Variants in SH3BP2 observed in about 807,000 individuals in gnomAD.
SH3BP2 encodes SH3 domain binding protein 2.
In SH3BP2, 38 loss-of-function variants were observed where a neutral mutation model predicts 56.2. The observed-to-expected ratio is 0.68, with a 90% CI of 0.52 to 0.89. SH3BP2 has a LOEUF of 0.89. Among genes scored for constraint, SH3BP2 ranks in the 40% least tolerant of loss-of-function variants. The pLI is 0.00. For synonymous variants in SH3BP2, 346 were observed against 316.7 expected (o/e 1.09, Z -0.98); for missense variants, 748 against 762.6 (o/e 0.98, Z 0.23).
At chr4:2,823,183 G>A (rs1038732312) in intron 3 of SH3BP2, 146 bp downstream of exon 3, 309 of 690,650 alleles carry the variant, frequency 4.5e-4, no homozygotes, top group Non-Finnish European at 6.0e-4. Context: ...TGTCCTCCCC[G>A]CCCAGCCTCC....
chr4:2,824,986 C>A, intron 4 of SH3BP2, 140 bp from the exon 5 acceptor site: 1 of 812,190 alleles, frequency 1.2e-6, no homozygotes, highest in Non-Finnish European at 2.1e-6. Flanking sequence ...AGGGGAGCCA[C>A]ACAGCCATGT....
chr4:2,826,764 T>C (rs2108734417), intron 5 of SH3BP2: 1 of 377,344 alleles, frequency 2.7e-6, no homozygotes, highest in Non-Finnish European at 5.3e-6. Context: ...TGTTTGTGTG[T>C]GCGTGTCCGT....
chr4:2,812,610 C>T, intron 1 of SH3BP2: 1 of 1,196,856 alleles, frequency 8.4e-7, no homozygotes, highest in Non-Finnish European at 1.2e-6. Flanking sequence ...AGGAGGTGGC[C>T]CTGAGCCTGC....
chr4:2,833,693 A>G lies in SH3BP2; in HGVS notation c.1549-4A>G. The G allele has an allele frequency of 6.2e-7, 1 of 1,609,452 alleles. No individual in the cohort carries two copies. ...CTGACGCTCCCCCTTCTCTTCCCCCACAGGACTCTAAGTTCTACCTGGAGG... is the reference window on the plus strand; with the variant it reads ...CTGACGCTCCCCCTTCTCTTCCCCCGCAGGACTCTAAGTTCTACCTGGAGG... On this transcript the variant is annotated splice_polypyrimidine_tract_variant and splice_region_variant and intron_variant, in intron 12 of 12. Transcript: ENST00000503393.
chr4:2,833,224 C>T, intron 12 of SH3BP2, 175 bp downstream of exon 12: 2 of 679,752 alleles, frequency 2.9e-6, no homozygotes, highest in Non-Finnish European at 5.3e-6. Context: ...CTCAGCCTCC[C>T]TCCTCTCGTG....
chr4:2,827,112 T>C (rs1268758402), intron 5 of SH3BP2, 118 bp from the exon 6 acceptor site: 1 of 774,364 alleles, frequency 1.3e-6, no homozygotes. Flanking sequence ...TGTATCCGTG[T>C]GTGCATCTGT....
At chr4:2,799,136 G>A in intron 1 of SH3BP2, 1 of 985,782 alleles carries the variant, frequency 1.0e-6, no homozygotes, top group Non-Finnish European at 1.2e-6. Context: ...CGTTCCTGCT[G>A]TACCCCTGCT....
chr4:2,818,052 ACCT>A (rs1724080243), intron 1 of SH3BP2: 1 of 219,222 alleles, frequency 4.6e-6, no homozygotes, highest in Non-Finnish European at 7.7e-6. Context: ...GCGCCCACCA[ACCT>A]CCTTGCAGCG....
rs1724846715 is a variant in SH3BP2, at chr4:2,829,340, G to A, written c.587-153G>A. On this transcript the variant is annotated intron_variant, in intron 7 of 12. Transcript: ENST00000503393. This position sits in a 1 kb window ranked among gnomAD's most constrained non-coding sequence, Gnocchi z 4.9. ...TCTGGGACCCTGGGGAAGGCAGGAT[G>A]GGAGTGCTGGGTGCTGGGCTGCTGG... Among the ~76,000 whole-genome samples, 1 of 152,130 alleles carries A rather than the reference G, an allele frequency of 6.6e-6. No individual in the cohort carries two copies. The highest frequency in any genetic ancestry group is 6.5e-5 in the Admixed American group (1 of 15,276).
At chr4:2,806,286 C>T (rs749233983) in intron 1 of SH3BP2, among the ~76,000 whole-genome samples, 10 of 152,180 alleles carry the variant, frequency 6.6e-5, no homozygotes, top group African/African-American at 2.2e-4. Context: ...AGGCTGGCTG[C>T]GGTGAGGGAC....
rs1327897166 is a variant in SH3BP2 at position 2,837,755 on chromosome 4, C to T, written c.*3921C>T. 1 of 152,472 alleles carries T rather than the reference C, an allele frequency of 6.6e-6. No homozygotes were observed. The highest frequency in any genetic ancestry group is 2.4e-5 in the African/African-American group (1 of 41,434). 9.4% of individuals were successfully genotyped at this position (152,472 alleles called of 1,614,324 possible). A position where few individuals can be genotyped will look rare whatever the true frequency, so the allele number is the denominator to read the frequency against. ...TGGGCACCTCGCACACACCCCCTGCCTTATCTCTGCCTGCACGCCCTGTTC... is the reference window on the plus strand; with the variant it reads ...TGGGCACCTCGCACACACCCCCTGCTTTATCTCTGCCTGCACGCCCTGTTC... On this transcript the variant is annotated 3_prime_UTR_variant, in exon 13 of 13. Coordinates refer to ENST00000503393, the MANE Select transcript of SH3BP2 (RefSeq NM_001122681.2).
Position 2,823,019 on chromosome 4 carries a change from C to T in SH3BP2, c.221C>T (p.Ser74Phe), listed in dbSNP as rs532591178. ...TCTGCCTCCCCGCAGGGCGCCTTCT[C>T]CCTGAGTGGCTATAACCGGTAAGTG... ...STSASPQGAF[S>F]LSGYNRVMRA... The change falls in exon 3 of 13, where the codon TCC becomes TTC. Residue 74 changes from serine (S) to phenylalanine (F), a missense_variant. Coordinates refer to ENST00000503393, the MANE Select transcript of SH3BP2 (RefSeq NM_001122681.2). 2.5e-6 allele frequency: 4 copies of T among 1,613,660 alleles called. No individual in the cohort carries two copies. Among genetic ancestry groups the T allele is most frequent in the Non-Finnish European group, 3.4e-6 (4 of 1,179,638 alleles).
chr4:2,800,381 G>C (rs1723218521), intron 1 of SH3BP2, among the ~76,000 whole-genome samples: 1 of 152,158 alleles, frequency 6.6e-6, no homozygotes, highest in Admixed American at 6.5e-5. Context: ...CCACCTCCCT[G>C]TCTGATGCAG....
intron 1 of SH3BP2, chr4:2,818,490 C>T (rs1724116349): frequency 3.0e-6 from 2 of 658,378 alleles, no homozygotes; most frequent in Admixed American, 5.7e-5. Context: ...CCGCGAGCCC[C>T]GGGCGCTGCT....
chr4:2,793,867 ACG>A (rs2108691449), intron 1 of SH3BP2: 1 of 152,384 alleles, frequency 6.6e-6, no homozygotes, highest in African/African-American at 2.4e-5. Context: ...TTCCACCTGT[ACG>A]CTGGCCTCCC....
chr4:2,825,391 C>G (rs1208993208), intron 5 of SH3BP2, among the ~76,000 whole-genome samples, 195 bp downstream of exon 5: 1 of 151,968 alleles, frequency 6.6e-6, no homozygotes, highest in African/African-American at 2.4e-5. Flanking sequence ...CAGATGTTCA[C>G]ACACAGACGA....
rs1431521295 is a variant in SH3BP2, at chr4:2,837,270, C to A, written c.*3436C>A. ...TCTTGAACTCCTGACCTCAACTGAT[C>A]CGCCCACCTTGGCCTCCCAAGTGCT... is the stretch of plus-strand genomic sequence containing the variant. On this transcript the variant is annotated 3_prime_UTR_variant, in exon 13 of 13. Coordinates refer to ENST00000503393, the MANE Select transcript of SH3BP2 (RefSeq NM_001122681.2). The A allele has an allele frequency of 6.6e-6, 1 of 152,250 alleles. No homozygotes were observed. Among genetic ancestry groups the A allele is most frequent in the Non-Finnish European group, 1.5e-5 (1 of 68,058 alleles). The allele number at this position is 152,250 out of a possible 1,614,324, so 9.4% of individuals were successfully genotyped here.
Position 2,820,603 on chromosome 4 carries a change from C to G in SH3BP2, c.-4-11C>G. Reference sequence around the variant, plus strand: ...CGTAGCTGAGCCACGTGCCTTTGTCCTTTATTGCAGCTTCATGGCGGCTGA... The same window carrying G: ...CGTAGCTGAGCCACGTGCCTTTGTCGTTTATTGCAGCTTCATGGCGGCTGA... On this transcript the variant is annotated splice_polypyrimidine_tract_variant and intron_variant, in intron 1 of 12. Transcript: ENST00000503393. 1 of 1,614,138 alleles carries G rather than the reference C, an allele frequency of 6.2e-7. No individual in the cohort carries two copies. The highest frequency in any genetic ancestry group is 1.1e-5 in the South Asian group (1 of 91,092).
At position 2,835,657 on chromosome 4, in the gene SH3BP2, C is replaced by T. The variant is rs571743186; in HGVS notation, c.*1823C>T. The T allele has an allele frequency of 6.6e-6, 1 of 152,310 alleles. No individual in the cohort carries two copies. Among genetic ancestry groups the T allele is most frequent in the South Asian group, 2.1e-4 (1 of 4,826 alleles). 9.4% of individuals were successfully genotyped at this position (152,310 alleles called of 1,614,324 possible). A position where few individuals can be genotyped will look rare whatever the true frequency, so the allele number is the denominator to read the frequency against. On this transcript the variant is annotated 3_prime_UTR_variant, in exon 13 of 13. Coordinates refer to ENST00000503393, the MANE Select transcript of SH3BP2 (RefSeq NM_001122681.2). ...TTTTTGTTTTTGAGATGTAGTCTCACCCTGTCGCCCAGGCTGGAGTGCAAT... is the reference window on the plus strand; with the variant it reads ...TTTTTGTTTTTGAGATGTAGTCTCATCCTGTCGCCCAGGCTGGAGTGCAAT...
Sources: gnomAD v4.1 joint callset for allele counts (sites outside exome capture counted in the v4.1 genomes callset) on GRCh38, gnomAD v4.1.1 for gene constraint, Gnocchi (gnomAD v3.1) non-coding constraint, MANE v1.5 for transcripts, NCBI Gene and HGNC (gene_info 2026-07-23, HGNC 2026-07-21) for gene names.